The following FSTL4 variants were observed in gnomAD, a reference collection of about 807,000 sequenced individuals.
FSTL4 encodes the protein follistatin like 4, also known as follistatin-related protein 4.
FSTL4 carries 28 observed loss-of-function variants against 78.2 expected under a neutral mutation model. The ratio of observed to expected loss-of-function variants is 0.36; its 90% CI spans 0.27 to 0.49. The LOEUF (loss-of-function observed/expected upper bound fraction) is 0.49. FSTL4 is among the 20% of genes least tolerant of loss of function. FSTL4 has a pLI of 0.98. For missense variants in FSTL4, 922 were observed against 1,084.9 expected, an observed-to-expected ratio of 0.85 and a Z score of 2.11; for synonymous variants, 422 against 440.5, an observed-to-expected ratio of 0.96 and a Z score of 0.53.
intron 2 of FSTL4, chr5:133,583,590 G>A (rs1321091293): frequency 2.6e-5 from 3 of 116,316 alleles, no homozygotes; most frequent in Middle Eastern, 3.2e-3. Flanking sequence ...TTTTCAGACC[G>A]GCTTAAGAAA....
At chr5:133,615,596 T>G (rs1009064570), upstream of FSTL4, among the ~76,000 whole-genome samples, 3 of 152,254 alleles carry the variant, frequency 2.0e-5, no homozygotes, top group African/African-American at 7.2e-5. Context: ...TTTATAGAAG[T>G]TCAGTTATTC....
the FSTL4 span, among the ~76,000 whole-genome samples, chr5:133,627,151 C>CTTTTTT: frequency 8.4e-4 from 78 of 92,986 alleles, no homozygotes; most frequent in Non-Finnish European, 1.1e-3. Context: ...CTCTGTGTCT[C>CTTTTTT]TTTTTTTTTT....
chr5:133,650,509 T>A, the FSTL4 span, among the ~76,000 whole-genome samples: 2 of 152,330 alleles, frequency 1.3e-5, no homozygotes, highest in South Asian at 4.1e-4. Context: ...ACATTCATTT[T>A]TTTGCACATG....
At chr5:133,312,863 A>C in intron 5 of FSTL4, 86 bp from the exon 6 acceptor site, 2 of 1,353,614 alleles carry the variant, frequency 1.5e-6, no homozygotes, top group South Asian at 1.3e-5. Context: ...CCAAGAGGGA[A>C]TCCAGGGACA....
chr5:133,305,628 G>A (rs1753639884), intron 6 of FSTL4, among the ~76,000 whole-genome samples: 1 of 152,166 alleles, frequency 6.6e-6, no homozygotes, highest in Non-Finnish European at 1.5e-5. Context: ...CTCTACCCAG[G>A]TGGCAAGCTC....
chr5:133,323,932 C>T (rs1238770577), intron 4 of FSTL4, among the ~76,000 whole-genome samples: 2 of 152,190 alleles, frequency 1.3e-5, no homozygotes, highest in Admixed American at 6.5e-5. Context: ...AATAATTGTC[C>T]CTCTTTGAAG....
the FSTL4 span, among the ~76,000 whole-genome samples, chr5:133,801,625 C>T: frequency 5.3e-5 from 8 of 152,372 alleles, no homozygotes; most frequent in East Asian, 9.6e-4. Context: ...ATAACCACAG[C>T]GGTGTCCCCG....
intron 2 of FSTL4, among the ~76,000 whole-genome samples, chr5:133,581,172 A>G (rs891318655): frequency 2.0e-5 from 3 of 152,264 alleles, no homozygotes; most frequent in Non-Finnish European, 4.4e-5. Context: ...TTTAATTAAA[A>G]AGGCTTTAAG....
chr5:133,282,619 G>C (rs1370104160), intron 6 of FSTL4, among the ~76,000 whole-genome samples: 1 of 152,186 alleles, frequency 6.6e-6, no homozygotes, highest in Non-Finnish European at 1.5e-5. Context: ...TTCTGGGAAT[G>C]ACAGCCATCC....
At chr5:133,312,127 G>A (rs1039201192) in intron 6 of FSTL4, among the ~76,000 whole-genome samples, 2 of 152,162 alleles carry the variant, frequency 1.3e-5, no homozygotes, top group Non-Finnish European at 2.9e-5. Context: ...TACCTCCTCT[G>A]TTTTCAAACA....
chr5:133,517,447 AATAT>A (rs1554068021), intron 3 of FSTL4, among the ~76,000 whole-genome samples: 3 of 16,402 alleles, frequency 1.8e-4, no homozygotes, highest in East Asian at 0.012. Context: ...AAAAAAAAAA[AATAT>A]ATATATATAT....
chr5:133,511,420 A>T (rs1007588450), intron 3 of FSTL4, among the ~76,000 whole-genome samples: 1 of 152,118 alleles, frequency 6.6e-6, no homozygotes, highest in Non-Finnish European at 1.5e-5. Flanking sequence ...TACCATACCC[A>T]CAGCCTCTTC....
At chr5:133,795,225 C>T in the FSTL4 span, among the ~76,000 whole-genome samples, 9 of 152,200 alleles carry the variant, frequency 5.9e-5, no homozygotes, top group East Asian at 9.6e-4. Flanking sequence ...CCAAATGCTC[C>T]GATTGAAGCA....
the FSTL4 span, among the ~76,000 whole-genome samples, chr5:133,651,733 G>A: frequency 6.6e-6 from 1 of 151,938 alleles, no homozygotes; most frequent in Non-Finnish European, 1.5e-5. Flanking sequence ...AAAGATATTG[G>A]TCTGATTTTC....
At chr5:133,740,895 C>A in the FSTL4 span, among the ~76,000 whole-genome samples, 1 of 152,002 alleles carries the variant, frequency 6.6e-6, no homozygotes, top group South Asian at 2.1e-4. Context: ...AATCTGAATC[C>A]TAATCTTTCC....
chr5:133,396,853 T>A (rs1474560496), intron 4 of FSTL4, among the ~76,000 whole-genome samples: 1 of 152,214 alleles, frequency 6.6e-6, no homozygotes, highest in Admixed American at 6.5e-5. Flanking sequence ...GAGCCTGTAG[T>A]ATGTTTAATT....
chr5:133,659,310 T>G, the FSTL4 span, among the ~76,000 whole-genome samples: 1 of 152,132 alleles, frequency 6.6e-6, no homozygotes, highest in Non-Finnish European at 1.5e-5. Flanking sequence ...TATCATTCTA[T>G]TTCTTGACAT....
At chr5:133,253,958 A>G (rs1278187111) in intron 6 of FSTL4, among the ~76,000 whole-genome samples, 1 of 151,992 alleles carries the variant, frequency 6.6e-6, no homozygotes, top group African/African-American at 2.4e-5. Flanking sequence ...TCCTCACACT[A>G]TTGGCCCCTA....
At position 133,611,513 on chromosome 5, in the gene FSTL4, G is replaced by C. The variant is rs1418235786; in HGVS notation, c.-11+812C>G. 6.6e-6 allele frequency among the ~76,000 whole-genome samples: 1 copy of C among 152,182 alleles called. No homozygotes were observed. The highest frequency in any genetic ancestry group is 1.5e-5 in the Non-Finnish European group (1 of 68,030). ...GAAACTCAGAACTCGTCTTTGTTTTGCGGGCGCAAAGAGGGCGGAGATCAT... is the reference window on the plus strand; with the variant it reads ...GAAACTCAGAACTCGTCTTTGTTTTCCGGGCGCAAAGAGGGCGGAGATCAT... On this transcript the variant is annotated intron_variant, in intron 1 of 15. Coordinates refer to ENST00000265342, the MANE Select transcript of FSTL4 (RefSeq NM_015082.2). This position sits in a 1 kb window ranked among gnomAD's most constrained non-coding sequence, Gnocchi z 4.9.
Sources: allele counts gnomAD v4.1 joint callset (sites outside exome capture counted in the v4.1 genomes callset), GRCh38; gene constraint gnomAD v4.1.1; non-coding constraint Gnocchi (gnomAD v3.1); transcripts MANE v1.5; gene names NCBI Gene and HGNC (gene_info 2026-07-23, HGNC 2026-07-21).